The following ZNF618 variants were observed in gnomAD, a reference collection of about 807,000 sequenced individuals.
ZNF618 encodes the protein neural precursor cell expressed, developmentally down-regulated 10.
In ZNF618, 34 loss-of-function variants were observed where a neutral mutation model predicts 103.0. That is an observed-to-expected ratio of 0.33 (90% CI 0.25 to 0.44). ZNF618 has a LOEUF of 0.44. Among genes scored for constraint, ZNF618 ranks in the 20% least tolerant of loss-of-function variants. The pLI, the probability that ZNF618 is intolerant of heterozygous loss-of-function variation, is 1.00. For missense variants in ZNF618, 1,059 were observed against 1,295.4 expected, an observed-to-expected ratio of 0.82 and a Z score of 2.80; for synonymous variants, 551 against 542.2, an observed-to-expected ratio of 1.02 and a Z score of -0.23.
intron 1 of ZNF618, among the ~76,000 whole-genome samples, chr9:113,939,912 A>G (rs1834398060): frequency 6.6e-6 from 1 of 152,030 alleles, no homozygotes; most frequent in African/African-American, 2.4e-5. Flanking sequence ...TTCCAAGAAC[A>G]TGCTCTTATG....
At chr9:113,973,398 T>G (rs965792971) in intron 2 of ZNF618, among the ~76,000 whole-genome samples, 1 of 152,144 alleles carries the variant, frequency 6.6e-6, no homozygotes, top group Non-Finnish European at 1.5e-5. Context: ...ACACATAATG[T>G]TATTTCTCCA....
chr9:113,976,779 G>A (rs1203977922), intron 2 of ZNF618, among the ~76,000 whole-genome samples: 1 of 152,130 alleles, frequency 6.6e-6, no homozygotes, highest in Non-Finnish European at 1.5e-5. Context: ...CTTTTTCATG[G>A]TTAACCTAAC....
intron 1 of ZNF618, among the ~76,000 whole-genome samples, chr9:113,922,960 ATCT>A (rs1832780463): frequency 6.6e-6 from 1 of 152,210 alleles, no homozygotes; most frequent in South Asian, 2.1e-4. Context: ...ATTTATTTAG[ATCT>A]TCTTTGATTT....
chr9:113,901,699 G>T (rs1320173255), intron 1 of ZNF618, among the ~76,000 whole-genome samples: 1 of 152,110 alleles, frequency 6.6e-6, no homozygotes, highest in African/African-American at 2.4e-5. Context: ...ACTGCTTCGT[G>T]GCTGAACTAA....
In ZNF618 at chr9:114,050,232, C is replaced by T; in HGVS notation, c.*65C>T. The T allele has an allele frequency of 6.7e-7, 1 of 1,482,076 alleles. No individual in the cohort carries two copies. The highest frequency in any genetic ancestry group is 8.9e-7 in the Non-Finnish European group (1 of 1,117,442). 91.8% of individuals were successfully genotyped at this position (1,482,076 alleles called of 1,614,324 possible). ...AACATTAGAAAAAAACCACACAACA[C>T]TGTCACAAAGAAAAGGAATTTAAGT... On this transcript the variant is annotated 3_prime_UTR_variant, in exon 15 of 15. Transcript: ENST00000374126.
At chr9:113,956,970 C>T (rs984593343) in intron 1 of ZNF618, among the ~76,000 whole-genome samples, 6 of 152,280 alleles carry the variant, frequency 3.9e-5, no homozygotes, top group African/African-American at 4.8e-5. Context: ...GAGGTCAGTA[C>T]TGTTATTATC....
chr9:114,038,454 C>G (rs897111068), intron 13 of ZNF618, among the ~76,000 whole-genome samples: 1 of 152,208 alleles, frequency 6.6e-6, no homozygotes, highest in African/African-American at 2.4e-5. Context: ...CAGGCTGAAT[C>G]CCAGCCACAC....
rs117370882 is a variant in ZNF618 at position 114,003,403 on chromosome 9, T to A, written c.550+741T>A. 2.0e-3 allele frequency among the ~76,000 whole-genome samples: 303 copies of A among 152,344 alleles called. 3 individuals carry two copies. The highest frequency in any genetic ancestry group is 1.7e-3 in the Non-Finnish European group (118 of 68,026). ...CCAACAGAAACGGGTGTATATCTGC[T>A]GCAAGATGCAAACTAGAATGTCCTT... On this transcript the variant is annotated intron_variant, in intron 6 of 14. Transcript: ENST00000374126.
intron 1 of ZNF618, among the ~76,000 whole-genome samples, chr9:113,939,484 G>A (rs536194489): frequency 1.3e-5 from 2 of 152,168 alleles, no homozygotes; most frequent in Non-Finnish European, 2.9e-5. Flanking sequence ...CAGTTCTAAT[G>A]TGAGAATTAT....
intron 9 of ZNF618, chr9:114,016,277 G>A (rs552573107): frequency 9.7e-5 from 95 of 978,542 alleles, no homozygotes; most frequent in Non-Finnish European, 1.3e-4. Context: ...AGGGGACCCC[G>A]GGTGTGGCCA....
At chr9:113,998,232 C>G (rs1360757705) in intron 3 of ZNF618, 27 bp from the exon 4 acceptor site, 2 of 1,547,622 alleles carry the variant, frequency 1.3e-6, no homozygotes, top group Non-Finnish European at 1.7e-6. Context: ...ACTTTAAGGG[C>G]TCTTTCTGAT....
At position 114,054,936 on chromosome 9, in the gene ZNF618, C is replaced by T. The variant is rs1474384141; in HGVS notation, c.*4769C>T. The T allele has an allele frequency of 7.4e-6, 1 of 134,728 alleles. No homozygotes were observed. The highest frequency in any genetic ancestry group is 1.6e-5 in the Non-Finnish European group (1 of 62,554). The allele number at this position is 134,728 out of a possible 1,614,324, so 8.3% of individuals were successfully genotyped here. A position where few individuals can be genotyped will look rare whatever the true frequency, so the allele number is the denominator to read the frequency against. ...GACATATTCATGCCCCGTCCCTTCC[C>T]CCCCCACCCCCCCGCCCACCCACCA... On this transcript the variant is annotated 3_prime_UTR_variant, in exon 15 of 15. Coordinates refer to ENST00000374126, the MANE Select transcript of ZNF618 (RefSeq NM_001318042.2).
chr9:114,024,438 T>G (rs564532146), intron 10 of ZNF618, among the ~76,000 whole-genome samples: 1 of 152,392 alleles, frequency 6.6e-6, no homozygotes, highest in Non-Finnish European at 1.5e-5. Flanking sequence ...GGGAATGCTG[T>G]GTTGTTGACT....
At chr9:113,932,960 G>A (rs1285295811) in intron 1 of ZNF618, among the ~76,000 whole-genome samples, 1 of 152,156 alleles carries the variant, frequency 6.6e-6, no homozygotes, top group East Asian at 1.9e-4. Context: ...CTCACCTAGG[G>A]AATAAGCCTC....
At chr9:113,896,751 A>G (rs1830070928) in intron 1 of ZNF618, among the ~76,000 whole-genome samples, 1 of 151,834 alleles carries the variant, frequency 6.6e-6, no homozygotes, top group Non-Finnish European at 1.5e-5. Context: ...TGATTTTACC[A>G]TTTGCTTTAT....
At chr9:114,035,385 C>A in intron 12 of ZNF618, 1 of 411,734 alleles carries the variant, frequency 2.4e-6, no homozygotes, top group Non-Finnish European at 3.3e-6. Flanking sequence ...GGAGGCAGGC[C>A]GAGGTCCAGC....
At position 114,035,323 on chromosome 9, in the gene ZNF618, G is replaced by A. The variant is rs1844487388; in HGVS notation, c.1169-977G>A. 12 of 916,152 alleles carry A rather than the reference G, an allele frequency of 1.3e-5. No individual in the cohort carries two copies. The African/African-American group carries it at 1.4e-4, about 11-fold the overall frequency. The allele number at this position is 916,152 out of a possible 1,614,324, so 56.8% of individuals were successfully genotyped here. A position where few individuals can be genotyped will look rare whatever the true frequency, so the allele number is the denominator to read the frequency against. On this transcript the variant is annotated intron_variant, in intron 12 of 14. Coordinates refer to ENST00000374126, the MANE Select transcript of ZNF618 (RefSeq NM_001318042.2). Reference sequence around the variant, plus strand: ...AGCCACGTGCTCCTGGAGCCTCCAGGCTGTGTGAGATGGGCCTTGGGCTGC... The same window carrying A: ...AGCCACGTGCTCCTGGAGCCTCCAGACTGTGTGAGATGGGCCTTGGGCTGC...
chr9:113,997,009 G>A (rs1365221629), intron 3 of ZNF618, among the ~76,000 whole-genome samples: 3 of 152,072 alleles, frequency 2.0e-5, no homozygotes, highest in Admixed American at 6.5e-5. Context: ...AGGACTTCTG[G>A]GAAGATGGTG....
chr9:113,876,842 T>TC (rs1223222288), intron 1 of ZNF618, among the ~76,000 whole-genome samples: 2 of 148,320 alleles, frequency 1.3e-5, no homozygotes, highest in African/African-American at 4.9e-5. Flanking sequence ...GGGAGGTCTT[T>TC]CCCCCCAGGT....
Sources: allele counts gnomAD v4.1 joint callset (sites outside exome capture counted in the v4.1 genomes callset), GRCh38; gene constraint gnomAD v4.1.1; transcripts MANE v1.5; gene names NCBI Gene and HGNC (gene_info 2026-07-23, HGNC 2026-07-21).